The following RNLS variants were observed in gnomAD, a reference collection of about 807,000 sequenced individuals.
RNLS encodes the protein renalase.
RNLS carries 39 observed loss-of-function variants against 39.8 expected under a neutral mutation model. The ratio of observed to expected loss-of-function variants is 0.98; its 90% CI spans 0.76 to 1.28. RNLS has a LOEUF of 1.28. RNLS is among the 50% of genes most tolerant of loss of function. RNLS has a pLI of 0.00. For missense variants in RNLS, 410 were observed against 413.3 expected (o/e 0.99, Z 0.07); for synonymous variants, 147 against 150.7 (o/e 0.98, Z 0.18).
intron 4 of RNLS, among the ~76,000 whole-genome samples, chr10:88,510,556 A>G (rs531088854): frequency 2.0e-5 from 3 of 152,250 alleles, no homozygotes; most frequent in South Asian, 4.1e-4. Flanking sequence ...GGTAAAAATA[A>G]GTAACAGATA....
chr10:88,339,022 A>G (rs983934946), intron 5 of RNLS, among the ~76,000 whole-genome samples: 8 of 152,148 alleles, frequency 5.3e-5, no homozygotes, highest in Non-Finnish European at 1.2e-4. Context: ...TCGGCCTCCC[A>G]AAGTGCCGAG....
intron 4 of RNLS, among the ~76,000 whole-genome samples, chr10:88,366,497 A>G (rs1756279364): frequency 6.6e-6 from 1 of 151,486 alleles, no homozygotes; most frequent in African/African-American, 2.4e-5. Context: ...CTCTTAAATA[A>G]AAATTATGAG....
rs375078045 is a variant in RNLS, at chr10:88,475,135, G to C, written c.526+97768C>G. Among the ~76,000 whole-genome samples the C allele has an allele frequency of 4.6e-5, 7 of 152,160 alleles. No homozygotes were observed. In the East Asian group the frequency reaches 1.2e-3, roughly 25 times the overall value. On this transcript the variant is annotated intron_variant, in intron 4 of 6. Transcript: ENST00000331772. ...GGAGGCTTGGGCACACAGGGCGACA[G>C]GGCAGCCCTGGCATTCACTGTGGCT...
chr10:88,241,715 T>G, the RNLS span, among the ~76,000 whole-genome samples: 1 of 152,146 alleles, frequency 6.6e-6, no homozygotes, highest in Non-Finnish European at 1.5e-5. Flanking sequence ...AGCTCCCACC[T>G]CCTAACAGAT....
intron 5 of RNLS, among the ~76,000 whole-genome samples, chr10:88,322,072 T>C (rs796988294): frequency 3.3e-5 from 5 of 152,294 alleles, no homozygotes; most frequent in Non-Finnish European, 4.4e-5. Context: ...AAATTGAATC[T>C]AGCTGCACAT....
intron 4 of RNLS, among the ~76,000 whole-genome samples, chr10:88,559,819 A>G (rs1849074205): frequency 6.6e-6 from 1 of 152,156 alleles, no homozygotes; most frequent in Non-Finnish European, 1.5e-5. Flanking sequence ...TGCACAATGG[A>G]TTAAACTGTT....
intron 6 of RNLS, among the ~76,000 whole-genome samples, chr10:88,286,056 C>T (rs1389335384): frequency 1.3e-5 from 2 of 152,078 alleles, no homozygotes; most frequent in African/African-American, 4.8e-5. Context: ...TTGCTCTTCC[C>T]AGACCCCAGA....
intron 4 of RNLS, among the ~76,000 whole-genome samples, chr10:88,507,093 C>A (rs1019222915): frequency 6.6e-6 from 1 of 152,126 alleles, no homozygotes; most frequent in African/African-American, 2.4e-5. Context: ...GACTTGCAGC[C>A]TCAGCAGTTA....
At chr10:88,582,968 G>A (rs1048901138) in intron 1 of RNLS, 105 bp downstream of exon 1, 155 of 1,314,592 alleles carry the variant, frequency 1.2e-4, no homozygotes, top group African/African-American at 3.7e-4. Flanking sequence ...GGGAGCTGAG[G>A]GTATAGCGTT....
chr10:88,572,790 G>T, intron 4 of RNLS, 113 bp downstream of exon 4: 3 of 1,079,914 alleles, frequency 2.8e-6, no homozygotes, highest in South Asian at 1.7e-5. Flanking sequence ...TTTAAGACAG[G>T]CAAATCAATA....
At chr10:88,420,688 C>T (rs906350118) in intron 4 of RNLS, among the ~76,000 whole-genome samples, 3 of 152,200 alleles carry the variant, frequency 2.0e-5, no homozygotes, top group African/African-American at 7.2e-5. Context: ...ATTACATCTG[C>T]TAAGACAATT....
chr10:88,518,932 T>G (rs1846552800), intron 4 of RNLS, among the ~76,000 whole-genome samples: 1 of 152,048 alleles, frequency 6.6e-6, no homozygotes, highest in African/African-American at 2.4e-5. Flanking sequence ...ATTTGACCCT[T>G]GTATATCTCT....
chr10:88,232,101 A>T, the RNLS span, among the ~76,000 whole-genome samples: 31 of 152,322 alleles, frequency 2.0e-4, no homozygotes, highest in African/African-American at 7.5e-4. Flanking sequence ...GGGAAAGTTC[A>T]TCCTTCTTTT....
chr10:88,354,247 A>G (rs761221240), intron 5 of RNLS, among the ~76,000 whole-genome samples: 25 of 152,110 alleles, frequency 1.6e-4, no homozygotes, highest in Non-Finnish European at 3.1e-4. Flanking sequence ...TATGAATTTG[A>G]TCCTGTCATT....
intron 4 of RNLS, among the ~76,000 whole-genome samples, chr10:88,562,643 A>T (rs1469738283): frequency 6.6e-6 from 1 of 152,110 alleles, no homozygotes; most frequent in Admixed American, 6.6e-5. Context: ...GAATAAAGAG[A>T]TACTTGATAA....
chr10:88,509,392 T>C (rs1845965363), intron 4 of RNLS, among the ~76,000 whole-genome samples: 1 of 149,504 alleles, frequency 6.7e-6, no homozygotes, highest in East Asian at 2.0e-4. Context: ...TGGGTAGGTT[T>C]AGAAAAAGTA....
intron 4 of RNLS, among the ~76,000 whole-genome samples, chr10:88,565,378 G>A (rs537455537): frequency 1.3e-5 from 2 of 152,250 alleles, no homozygotes; most frequent in African/African-American, 4.8e-5. Flanking sequence ...AACACAGAGA[G>A]AAGGGTAGAC....
chr10:88,360,858 C>A (rs369769894), intron 5 of RNLS, among the ~76,000 whole-genome samples: 1 of 152,200 alleles, frequency 6.6e-6, no homozygotes, highest in Non-Finnish European at 1.5e-5. Context: ...AAAGATAAAA[C>A]CTAGGTCTTT....
chr10:88,370,812 A>G (rs1166098933), intron 4 of RNLS, among the ~76,000 whole-genome samples: 1 of 152,150 alleles, frequency 6.6e-6, no homozygotes, highest in Non-Finnish European at 1.5e-5. Context: ...TTTACCACTC[A>G]TGAGTCACTC....
Sources: gnomAD v4.1 joint callset for allele counts (sites outside exome capture counted in the v4.1 genomes callset) on GRCh38, gnomAD v4.1.1 for gene constraint, MANE v1.5 for transcripts, NCBI Gene and HGNC (gene_info 2026-07-23, HGNC 2026-07-21) for gene names.